The following CD28 variants were observed in gnomAD, a reference collection of about 807,000 sequenced individuals.
The protein encoded by CD28 is T-cell-specific surface glycoprotein CD28.
A neutral mutation model predicts 21.4 loss-of-function variants in CD28; 8 were observed. That is an observed-to-expected ratio of 0.37 (90% CI 0.22 to 0.68). CD28 has a LOEUF of 0.68. Ranked by LOEUF, CD28 falls within the 30% of genes least tolerant of loss-of-function variation. CD28 has a pLI of 0.55. For synonymous variants in CD28, 106 were observed against 104.0 expected (o/e 1.02, Z -0.12); for missense variants, 239 against 272.2 (o/e 0.88, Z 0.86).
chr2:203,719,962 C>T (rs1693562490), intron 1 of CD28, among the ~76,000 whole-genome samples: 1 of 152,076 alleles, frequency 6.6e-6, no homozygotes, highest in South Asian at 2.1e-4. Context: ...GGTAATTGAC[C>T]CGTTTATAAT....
chr2:203,723,753 A>C (rs1313511034), intron 1 of CD28, among the ~76,000 whole-genome samples: 1 of 152,196 alleles, frequency 6.6e-6, no homozygotes. Flanking sequence ...AAGTGTCGGC[A>C]AGGGTGAGGA....
chr2:203,725,340 G>T (rs1693715478), intron 1 of CD28, among the ~76,000 whole-genome samples: 1 of 151,604 alleles, frequency 6.6e-6, no homozygotes, highest in Non-Finnish European at 1.5e-5. Context: ...TGGTTGCAAA[G>T]TTGATTCCCA....
intron 1 of CD28, among the ~76,000 whole-genome samples, chr2:203,714,428 G>A (rs1693410166): frequency 6.6e-6 from 1 of 152,160 alleles, no homozygotes; most frequent in Admixed American, 6.5e-5. Flanking sequence ...GCATTTCCCT[G>A]TGTGTTTTGG....
intron 1 of CD28, among the ~76,000 whole-genome samples, chr2:203,712,958 G>A (rs1407851091): frequency 6.6e-6 from 1 of 152,210 alleles, no homozygotes; most frequent in Non-Finnish European, 1.5e-5. Flanking sequence ...TGGGGAAACT[G>A]AAGCACAGAG....
chr2:203,728,695 A>G (rs1391082175), intron 2 of CD28, among the ~76,000 whole-genome samples: 1 of 152,202 alleles, frequency 6.6e-6, no homozygotes. Flanking sequence ...TATCAAGTCA[A>G]AGGTTAAAAA....
chr2:203,709,578 A>G (rs1313721951), intron 1 of CD28, among the ~76,000 whole-genome samples: 2 of 152,162 alleles, frequency 1.3e-5, no homozygotes, highest in East Asian at 1.9e-4. Context: ...AGCCCTTTGC[A>G]TGTTTTCTAC....
chr2:203,728,046 G>A (rs1194824883), intron 2 of CD28, among the ~76,000 whole-genome samples: 1 of 152,000 alleles, frequency 6.6e-6, no homozygotes, highest in Non-Finnish European at 1.5e-5. Flanking sequence ...TCCTGACCTC[G>A]TGATCTGCCC....
At chr2:203,715,606 C>T (rs1399116128) in intron 1 of CD28, among the ~76,000 whole-genome samples, 1 of 152,102 alleles carries the variant, frequency 6.6e-6, no homozygotes, top group African/African-American at 2.4e-5. Flanking sequence ...TGGTTTTTAG[C>T]AATTTTAATA....
intron 1 of CD28, among the ~76,000 whole-genome samples, chr2:203,714,496 CCT>C (rs34762465): frequency 0.14 from 21,454 of 151,970 alleles, 1,801 homozygotes; most frequent in Middle Eastern, 0.19. Flanking sequence ...ATTCTTTTGC[CCT>C]CTCTTTTTTC....
chr2:203,711,973 C>T (rs1347912137), intron 1 of CD28, among the ~76,000 whole-genome samples: 4 of 152,140 alleles, frequency 2.6e-5, no homozygotes, highest in Admixed American at 1.3e-4. Flanking sequence ...AGGCAGATCA[C>T]CTGAGGTCAG....
At chr2:203,718,482 C>A (rs956490031) in intron 1 of CD28, among the ~76,000 whole-genome samples, 1 of 152,164 alleles carries the variant, frequency 6.6e-6, no homozygotes, top group Admixed American at 6.6e-5. Flanking sequence ...AAAGTAGAAG[C>A]TTTCATTGTT....
At chr2:203,715,062 C>A (rs1327308048) in intron 1 of CD28, among the ~76,000 whole-genome samples, 1 of 152,096 alleles carries the variant, frequency 6.6e-6, no homozygotes, top group Non-Finnish European at 1.5e-5. Flanking sequence ...GAAAAATGTA[C>A]TGTTGTCTTC....
intron 1 of CD28, among the ~76,000 whole-genome samples, chr2:203,719,188 A>G (rs1693542577): frequency 6.6e-6 from 1 of 152,236 alleles, no homozygotes; most frequent in African/African-American, 2.4e-5. Context: ...AATAAATTAC[A>G]TCTTAGCTCT....
At chr2:203,718,966 G>C (rs1306033119) in intron 1 of CD28, among the ~76,000 whole-genome samples, 2 of 152,158 alleles carry the variant, frequency 1.3e-5, no homozygotes, top group Non-Finnish European at 2.9e-5. Flanking sequence ...TGATCATACT[G>C]TCTGTAAGCC....
In CD28 at chr2:203,712,680, G is replaced by A. The variant is rs181322027; in HGVS notation, c.52+5932G>A. Among the ~76,000 whole-genome samples the A allele has an allele frequency of 2.1e-3, 322 of 152,294 alleles. 2 individuals are homozygous for A. Among genetic ancestry groups the A allele is most frequent in the Non-Finnish European group, 3.9e-3 (268 of 68,026 alleles). ...ATATTTGTTGAAGAAAGAAATGAAT[G>A]AATTAGTAACAAAATGAGGAAGCAT... On this transcript the variant is annotated intron_variant, in intron 1 of 3. Coordinates refer to ENST00000324106, the MANE Select transcript of CD28 (RefSeq NM_006139.4).
At position 203,721,314 on chromosome 2, in the gene CD28, C is replaced by A. The variant is rs3116487; in HGVS notation, c.53-5319C>A. Among the ~76,000 whole-genome samples, 8 of 152,192 alleles carry A rather than the reference C, an allele frequency of 5.3e-5. No individual in the cohort carries two copies. In the South Asian group the frequency reaches 1.2e-3, roughly 24 times the overall value. On this transcript the variant is annotated intron_variant, in intron 1 of 3. Transcript: ENST00000324106. The stretch of plus-strand genomic sequence containing the variant: ...ATCTTAGCACTTTTCTGCATAAAAG[C>A]CTTCAGTAGATCTTCATCACCTTCA...
intron 1 of CD28, among the ~76,000 whole-genome samples, chr2:203,719,502 A>T (rs1267920549): frequency 6.6e-6 from 1 of 152,222 alleles, no homozygotes; most frequent in Non-Finnish European, 1.5e-5. Context: ...TCTAGAACCA[A>T]TCACTGCAAT....
chr2:203,719,664 A>G (rs1693553734), intron 1 of CD28, among the ~76,000 whole-genome samples: 1 of 152,194 alleles, frequency 6.6e-6, no homozygotes, highest in Non-Finnish European at 1.5e-5. Context: ...CATGTGTAAG[A>G]TGGGCATAAA....
Position 203,709,912 on chromosome 2 carries a change from C to T in CD28, c.52+3164C>T, listed in dbSNP as rs925591948. 4.6e-5 allele frequency among the ~76,000 whole-genome samples: 7 copies of T among 152,244 alleles called. No individual in the cohort carries two copies. In the East Asian group the frequency reaches 5.8e-4, roughly 13 times the overall value. The stretch of plus-strand genomic sequence containing the variant: ...GTTTGGACAAAGCTAATTTCTCCAG[C>T]GCCTTCCCTTAGCGCTTATTTTTCT... On this transcript the variant is annotated intron_variant, in intron 1 of 3. Coordinates refer to ENST00000324106, the MANE Select transcript of CD28 (RefSeq NM_006139.4).
Sources: gnomAD v4.1 joint callset for allele counts (sites outside exome capture counted in the v4.1 genomes callset) on GRCh38, gnomAD v4.1.1 for gene constraint, MANE v1.5 for transcripts, NCBI Gene and HGNC (gene_info 2026-07-23, HGNC 2026-07-21) for gene names.